Variants in SLC8A1 observed in about 807,000 individuals in gnomAD.
SLC8A1 encodes solute carrier family 8 member A1.
SLC8A1 carries 18 observed loss-of-function variants against 68.3 expected under a neutral mutation model. The observed-to-expected ratio is 0.26, with a 90% confidence interval of 0.18 to 0.39. SLC8A1 has a LOEUF of 0.39. Among genes scored for constraint, SLC8A1 ranks in the 10% least tolerant of loss-of-function variants. SLC8A1 has a pLI of 1.00. For missense variants in SLC8A1, 985 were observed against 1,156.7 expected (o/e 0.85, Z 2.15); for synonymous variants, 475 against 415.5 (o/e 1.14, Z -1.74).
intron 2 of SLC8A1, among the ~76,000 whole-genome samples, chr2:40,270,597 A>G (rs1390076900): frequency 6.6e-6 from 1 of 152,202 alleles, no homozygotes; most frequent in African/African-American, 2.4e-5. Flanking sequence ...TCTACCCAGG[A>G]AAAGCATTCT....
intron 1 of SLC8A1, among the ~76,000 whole-genome samples, chr2:40,446,099 C>T (rs1367842610): frequency 6.6e-6 from 1 of 152,114 alleles, no homozygotes; most frequent in Non-Finnish European, 1.5e-5. Flanking sequence ...TGTAAAAGCA[C>T]CAGCATAACC....
chr2:40,194,163 C>T (rs1259753536), intron 2 of SLC8A1, among the ~76,000 whole-genome samples: 1 of 152,096 alleles, frequency 6.6e-6, no homozygotes, highest in East Asian at 1.9e-4. Context: ...GATCTGAGCA[C>T]ATATTTCATT....
At chr2:40,274,732 A>G (rs1417052636) in intron 2 of SLC8A1, among the ~76,000 whole-genome samples, 1 of 152,250 alleles carries the variant, frequency 6.6e-6, no homozygotes, top group African/African-American at 2.4e-5. Flanking sequence ...ATAAGTGACA[A>G]GAAGTTATAT....
chr2:40,133,865 G>C (rs1367460800), intron 7 of SLC8A1, among the ~76,000 whole-genome samples: 1 of 152,130 alleles, frequency 6.6e-6, no homozygotes. Flanking sequence ...TATACCCAAG[G>C]CTTATCCAAG....
At chr2:40,390,721 C>T (rs967249639) in intron 2 of SLC8A1, among the ~76,000 whole-genome samples, 7 of 152,036 alleles carry the variant, frequency 4.6e-5, no homozygotes, top group Non-Finnish European at 8.8e-5. Context: ...TTTTTAACAA[C>T]CCGATATGTA....
At chr2:40,447,308 A>T (rs554623476) in intron 1 of SLC8A1, among the ~76,000 whole-genome samples, 1 of 152,254 alleles carries the variant, frequency 6.6e-6, no homozygotes, top group Non-Finnish European at 1.5e-5. Context: ...TAAATGGCTA[A>T]ATCTTCAAGA....
chr2:40,224,386 G>C (rs189238085), intron 2 of SLC8A1, among the ~76,000 whole-genome samples: 1 of 152,194 alleles, frequency 6.6e-6, no homozygotes, highest in African/African-American at 2.4e-5. Flanking sequence ...AGAACTGGAG[G>C]TTCCCAAGAG....
At chr2:40,199,180 G>C (rs1011386976) in intron 2 of SLC8A1, among the ~76,000 whole-genome samples, 1 of 151,810 alleles carries the variant, frequency 6.6e-6, no homozygotes, top group African/African-American at 2.4e-5. Context: ...TAGAGTATGT[G>C]ATGGGGCCTA....
chr2:40,385,014 A>G (rs1477003), intron 2 of SLC8A1, among the ~76,000 whole-genome samples: 2,977 of 152,166 alleles, frequency 0.02, 96 homozygotes, highest in African/African-American at 0.067. Context: ...TAAGTGATAT[A>G]GTACTTTCTT....
At chr2:40,429,680 A>G in exon 2 of SLC8A1, 1 of 1,613,880 alleles carries the variant, frequency 6.2e-7, no homozygotes, top group South Asian at 1.1e-5. Context: ...AAGACACGCA[A>G]ATGCTTAATC....
intron 2 of SLC8A1, among the ~76,000 whole-genome samples, chr2:40,408,174 G>C (rs770091038): frequency 1.3e-5 from 2 of 152,136 alleles, no homozygotes; most frequent in Non-Finnish European, 2.9e-5. Context: ...TCCTAATGTA[G>C]TTTGGGGCAT....
chr2:40,302,394 A>C (rs1330686160), intron 2 of SLC8A1, among the ~76,000 whole-genome samples: 1 of 149,588 alleles, frequency 6.7e-6, no homozygotes, highest in South Asian at 2.1e-4. Flanking sequence ...GGTTGCTGCA[A>C]ATGCCATTAA....
At chr2:40,335,955 G>C (rs1448359027) in intron 2 of SLC8A1, among the ~76,000 whole-genome samples, 1 of 152,234 alleles carries the variant, frequency 6.6e-6, no homozygotes, top group Non-Finnish European at 1.5e-5. Context: ...TAGAAAGTCA[G>C]TGGGGAGAAA....
chr2:40,424,430 A>G (rs1696329807), intron 2 of SLC8A1, among the ~76,000 whole-genome samples: 1 of 151,836 alleles, frequency 6.6e-6, no homozygotes, highest in East Asian at 1.9e-4. Context: ...CCTGGAATAT[A>G]ATAATAATTC....
chr2:40,249,550 C>G (rs1444406947), intron 2 of SLC8A1, among the ~76,000 whole-genome samples: 1 of 152,174 alleles, frequency 6.6e-6, no homozygotes, highest in African/African-American at 2.4e-5. Flanking sequence ...GGAGGTGTTT[C>G]TCTTCTCCCA....
chr2:40,262,948 A>T (rs917928856), intron 2 of SLC8A1, among the ~76,000 whole-genome samples: 11 of 152,236 alleles, frequency 7.2e-5, no homozygotes, highest in African/African-American at 2.4e-4. Flanking sequence ...GTACAGTAAC[A>T]ATGTCCTTAG....
intron 2 of SLC8A1, among the ~76,000 whole-genome samples, chr2:40,322,847 CACA>C (rs1224257782): frequency 2.7e-5 from 4 of 150,168 alleles, no homozygotes; most frequent in East Asian, 4.0e-4. Flanking sequence ...CACACACACA[CACA>C]CCACACACAC....
intron 2 of SLC8A1, among the ~76,000 whole-genome samples, chr2:40,205,560 C>T (rs1489053407): frequency 6.6e-6 from 1 of 152,028 alleles, no homozygotes; most frequent in African/African-American, 2.4e-5. Context: ...GAAAACCAAA[C>T]ACCGCAGGTT....
At chr2:40,244,185 T>C (rs2061551626) in intron 2 of SLC8A1, among the ~76,000 whole-genome samples, 1 of 152,126 alleles carries the variant, frequency 6.6e-6, no homozygotes. Flanking sequence ...ATCTCCTCAC[T>C]AGGGGGTTAG....
Sources: allele counts gnomAD v4.1 joint callset (sites outside exome capture counted in the v4.1 genomes callset), GRCh38; gene constraint gnomAD v4.1.1; transcripts MANE v1.5; gene names NCBI Gene and HGNC (gene_info 2026-07-23, HGNC 2026-07-21).